Variants in DLG1 observed in about 807,000 individuals in gnomAD.
DLG1 encodes discs large MAGUK scaffold protein 1.
DLG1 carries 42 observed loss-of-function variants against 123.4 expected under a neutral mutation model. That is an observed-to-expected ratio of 0.34 (90% CI 0.27 to 0.44). The LOEUF is 0.44. Ranked by LOEUF, DLG1 falls within the 20% of genes least tolerant of loss-of-function variation. The pLI, the probability that DLG1 is intolerant of heterozygous loss-of-function variation, is 1.00. For synonymous variants in DLG1, 317 were observed against 356.2 expected, an observed-to-expected ratio of 0.89 and a Z score of 1.24; for missense variants, 942 against 1,082.6, an observed-to-expected ratio of 0.87 and a Z score of 1.82.
At chr3:197,218,252 T>C (rs1298301665) in intron 4 of DLG1, among the ~76,000 whole-genome samples, 1 of 152,180 alleles carries the variant, frequency 6.6e-6, no homozygotes, top group Non-Finnish European at 1.5e-5. Flanking sequence ...TCATCATAAT[T>C]TACATTTCAA....
intron 5 of DLG1, among the ~76,000 whole-genome samples, chr3:197,150,752 T>C (rs569152464): frequency 2.3e-4 from 35 of 152,216 alleles, no homozygotes; most frequent in Middle Eastern, 3.4e-3. Context: ...TACAGGCTTT[T>C]AATAAAGGGG....
At chr3:197,254,655 C>A (rs2150897006) in intron 4 of DLG1, among the ~76,000 whole-genome samples, 1 of 152,166 alleles carries the variant, frequency 6.6e-6, no homozygotes, top group East Asian at 1.9e-4. Flanking sequence ...AAAAGATGTA[C>A]AAATTAGATG....
chr3:197,055,287 T>A (rs1285211558), intron 23 of DLG1, among the ~76,000 whole-genome samples: 2 of 152,202 alleles, frequency 1.3e-5, no homozygotes, highest in Non-Finnish European at 1.5e-5. Context: ...GTCTTTTAGC[T>A]CATTTAGTAT....
chr3:197,082,714 G>C (rs902903929), intron 16 of DLG1, among the ~76,000 whole-genome samples: 4 of 152,120 alleles, frequency 2.6e-5, no homozygotes, highest in African/African-American at 9.7e-5. Flanking sequence ...GAACGAAATG[G>C]CATAATTAGT....
In DLG1 at chr3:197,107,853, T is replaced by C. The variant is rs1767508029; in HGVS notation, c.1444-2848A>G. ...AATTTCTAGAACCTCCAGGACAATGTTGAATAGAAGTAGGAAGAGCAGATA... is the reference window on the plus strand; with the variant it reads ...AATTTCTAGAACCTCCAGGACAATGCTGAATAGAAGTAGGAAGAGCAGATA... On this transcript the variant is annotated intron_variant, in intron 13 of 24. Coordinates refer to ENST00000667157, the MANE Select transcript of DLG1 (RefSeq NM_001366207.1). Among the ~76,000 whole-genome samples the C allele has an allele frequency of 2.6e-5, 4 of 152,044 alleles. No homozygotes were observed. The South Asian group carries it at 8.3e-4, about 32-fold the overall frequency.
At chr3:197,290,125 A>C (rs1379445819) in intron 3 of DLG1, among the ~76,000 whole-genome samples, 1 of 152,226 alleles carries the variant, frequency 6.6e-6, no homozygotes, top group Non-Finnish European at 1.5e-5. Context: ...CTCAGAGCAC[A>C]AATGTCATTA....
At chr3:197,189,396 G>A (rs2150208903) in intron 5 of DLG1, among the ~76,000 whole-genome samples, 2 of 152,176 alleles carry the variant, frequency 1.3e-5, no homozygotes, top group Middle Eastern at 3.4e-3. Context: ...TGTTTAACAA[G>A]TTTACAATAG....
intron 5 of DLG1, among the ~76,000 whole-genome samples, chr3:197,193,147 C>T (rs1465707143): frequency 6.6e-6 from 1 of 151,916 alleles, no homozygotes; most frequent in Non-Finnish European, 1.5e-5. Flanking sequence ...AAAATACACA[C>T]AACCAACAAA....
At chr3:197,296,192 A>G (rs1777275122) in intron 3 of DLG1, among the ~76,000 whole-genome samples, 154 bp downstream of exon 3, 1 of 152,236 alleles carries the variant, frequency 6.6e-6, no homozygotes, top group Non-Finnish European at 1.5e-5. Context: ...AAGAAAGGAC[A>G]CTGGCCTATG....
At chr3:197,184,434 G>C (rs1204966919) in intron 5 of DLG1, among the ~76,000 whole-genome samples, 1 of 152,174 alleles carries the variant, frequency 6.6e-6, no homozygotes, top group African/African-American at 2.4e-5. Flanking sequence ...TTCTACACCA[G>C]GCAGATCTTA....
intron 11 of DLG1, among the ~76,000 whole-genome samples, chr3:197,129,379 C>T (rs1231110221): frequency 3.3e-5 from 5 of 152,168 alleles, no homozygotes; most frequent in African/African-American, 1.2e-4. Context: ...GCTTCCTCAC[C>T]TCTCTCAGCC....
At chr3:197,288,267 G>T (rs1199798502) in intron 3 of DLG1, among the ~76,000 whole-genome samples, 1 of 150,442 alleles carries the variant, frequency 6.6e-6, no homozygotes, top group Non-Finnish European at 1.5e-5. Context: ...AGGAGGCTGA[G>T]GCAGGAGAAT....
intron 3 of DLG1, among the ~76,000 whole-genome samples, chr3:197,288,379 A>G (rs1025496407): frequency 2.7e-5 from 4 of 149,640 alleles, no homozygotes; most frequent in Non-Finnish European, 4.4e-5. Flanking sequence ...AAAAAAAAAA[A>G]AAAGAAAAGA....
intron 5 of DLG1, among the ~76,000 whole-genome samples, chr3:197,165,197 A>G (rs889517716): frequency 6.6e-6 from 1 of 152,216 alleles, no homozygotes; most frequent in African/African-American, 2.4e-5. Context: ...CGTTATTAAT[A>G]TAAATGCAAG....
chr3:197,139,190 G>A lies in DLG1; in HGVS notation c.714-799C>T, dbSNP rs182348040. ...TCTTTGATTGCATGGTATTCCACCA[G>A]GAAAAAAAGATGGTCATCTCAAATT... On this transcript the variant is annotated intron_variant, in intron 8 of 24. Transcript: ENST00000667157. 1.6e-4 allele frequency among the ~76,000 whole-genome samples: 24 copies of A among 151,896 alleles called. No individual in the cohort carries two copies. The East Asian group carries it at 4.1e-3, about 26-fold the overall frequency.
At chr3:197,283,799 T>A (rs1469049029) in intron 3 of DLG1, among the ~76,000 whole-genome samples, 2 of 151,752 alleles carry the variant, frequency 1.3e-5, no homozygotes. Flanking sequence ...AAAGCATTAG[T>A]CCTTTTAAAA....
intron 5 of DLG1, among the ~76,000 whole-genome samples, chr3:197,159,110 C>A (rs1338410359): frequency 6.6e-6 from 1 of 152,146 alleles, no homozygotes; most frequent in Non-Finnish European, 1.5e-5. Context: ...CACACCATCA[C>A]ACGTAGAAAC....
Position 197,090,965 on chromosome 3 carries a change from A to G in DLG1, c.1608T>C (p.Ile536=), listed in dbSNP as rs1757418282. The G allele has an allele frequency of 1.2e-6, 2 of 1,612,392 alleles. No homozygotes were observed. Among genetic ancestry groups the G allele is most frequent in the Non-Finnish European group, 1.7e-6 (2 of 1,178,824 alleles). The change falls in exon 15 of 25, where the codon ATT becomes ATC. Residue 536 remains isoleucine, a synonymous_variant. Transcript: ENST00000667157. ...TTCGAAGAGAACCTGACCCTGAACT[A>G]ATACTACTATTCATCATCTGCTCCC... ...DLREQMMNSS[I]SSGSGSLRTS...
intron 5 of DLG1, among the ~76,000 whole-genome samples, chr3:197,180,588 A>C (rs1809697055): frequency 6.6e-6 from 1 of 152,226 alleles, no homozygotes; most frequent in African/African-American, 2.4e-5. Context: ...CCTCTCAAAA[A>C]ACCCACAATG....
Sources: gnomAD v4.1 joint callset for allele counts (sites outside exome capture counted in the v4.1 genomes callset) on GRCh38, gnomAD v4.1.1 for gene constraint, MANE v1.5 for transcripts, NCBI Gene and HGNC (gene_info 2026-07-23, HGNC 2026-07-21) for gene names.